Variants in UTP20 observed in about 807,000 individuals in gnomAD.
UTP20 encodes the protein UTP20 small subunit processome component.
A neutral mutation model predicts 329.5 loss-of-function variants in UTP20; 164 were observed. The ratio of observed to expected loss-of-function variants is 0.50; its 90% CI spans 0.44 to 0.57. UTP20 has a LOEUF of 0.57. Among genes scored for constraint, UTP20 ranks in the 20% least tolerant of loss-of-function variants. The probability of loss-of-function intolerance (pLI) is 0.00; values close to 1 mark genes in which losing one functional copy is unlikely to be tolerated. For synonymous variants in UTP20, 1,151 were observed against 1,159.3 expected, an observed-to-expected ratio of 0.99 and a Z score of 0.14; for missense variants, 3,055 against 3,284.2, an observed-to-expected ratio of 0.93 and a Z score of 1.71.
rs191285047 is a variant in UTP20 at position 101,385,561 on chromosome 12, A to G, written c.8057-22A>G. 2,375 of 1,601,976 alleles carry G rather than the reference A, an allele frequency of 1.5e-3. 3 individuals carry two copies. The highest frequency in any genetic ancestry group is 1.9e-3 in the Non-Finnish European group (2,257 of 1,177,036). ...TGTCCTTTCCTACCTGTCTCTGATC[A>G]TTACTCTTTGTGTGTGATTAGATCC... is the stretch of plus-strand genomic sequence containing the variant. On this transcript the variant is annotated intron_variant, in intron 60 of 61. Transcript: ENST00000261637.
Position 101,374,891 on chromosome 12 carries a change from T to C in UTP20, c.7215T>C (p.Thr2405=), listed in dbSNP as rs745786601. Residue 2405 remains threonine (T), a synonymous_variant, in exon 55 of 62, where the codon ACT becomes ACC. Transcript: ENST00000261637. The part of the protein sequence containing the change: ...EGVDFEKRLG[T]VLPVIEKEID... ...TTGATTTTGAGAAAAGACTTGGAAC[T>C]GTCCTTCCTGTGATTGAAAAGGAAA... 3 of 1,608,836 alleles carry C rather than the reference T, an allele frequency of 1.9e-6. No homozygotes were observed. The South Asian group carries it at 3.3e-5, about 18-fold the overall frequency.
intron 17 of UTP20, 132 bp from the exon 18 acceptor site, chr12:101,308,051 AGT>A: frequency 2.7e-6 from 2 of 750,952 alleles, no homozygotes; most frequent in Non-Finnish European, 3.7e-6. Context: ...CAAAAAAAAA[AGT>A]GTTACTTATT....
chr12:101,342,708 G>A (rs1471518263), intron 33 of UTP20, 79 bp from the exon 34 acceptor site: 2 of 1,536,560 alleles, frequency 1.3e-6, no homozygotes, highest in African/African-American at 2.8e-5. Flanking sequence ...ATTTGAATGG[G>A]GACAGGTAGC....
intron 12 of UTP20, among the ~76,000 whole-genome samples, chr12:101,296,495 CG>C (rs896499111): frequency 3.0e-4 from 45 of 150,020 alleles, no homozygotes; most frequent in African/African-American, 9.8e-4. Flanking sequence ...GGCGTGAACC[CG>C]GGAGGTGGAG....
intron 24 of UTP20, 115 bp from the exon 25 acceptor site, chr12:101,321,389 T>A: frequency 7.1e-7 from 1 of 1,414,712 alleles, no homozygotes; most frequent in Non-Finnish European, 9.5e-7. Flanking sequence ...ATATCAACCA[T>A]AATATGTACT....
Position 101,365,463 on chromosome 12 carries a change from T to TA in UTP20, c.5964dup (p.Gln1989ThrfsTer14). ...ACATTTATGTTTTGCCTTTAGATCT[T>TA]ACAAAATACCACGAGTTTGAAACTG... On this transcript the variant is annotated frameshift_variant, in exon 46 of 62. Coordinates refer to ENST00000261637, the MANE Select transcript of UTP20 (RefSeq NM_014503.3). LOFTEE classifies it high-confidence loss of function. The TA allele has an allele frequency of 6.2e-7, 1 of 1,602,668 alleles. No homozygotes were observed. Among genetic ancestry groups the TA allele is most frequent in the Non-Finnish European group, 8.5e-7 (1 of 1,176,744 alleles).
chr12:101,374,898 C>T lies in UTP20; in HGVS notation c.7222C>T (p.Pro2408Ser). 6.2e-7 allele frequency: 1 copy of T among 1,610,516 alleles called. No homozygotes were observed. The highest frequency in any genetic ancestry group is 8.5e-7 in the Non-Finnish European group (1 of 1,176,854). The change falls in exon 55 of 62, where the codon CCT becomes TCT. Residue 2408 changes from proline (P) to serine (S), a missense_variant. By Grantham distance (74) the Pro-to-Ser change is moderately conservative. Coordinates refer to ENST00000261637, the MANE Select transcript of UTP20 (RefSeq NM_014503.3). ...DFEKRLGTVL[P>S]VIEKEIDPEN... ...TGAGAAAAGACTTGGAACTGTCCTTCCTGTGATTGAAAAGGAAATTGATCC... is the reference window on the plus strand; with the variant it reads ...TGAGAAAAGACTTGGAACTGTCCTTTCTGTGATTGAAAAGGAAATTGATCC...
At chr12:101,294,267 C>A (rs11608415) in intron 11 of UTP20, among the ~76,000 whole-genome samples, 1 of 151,882 alleles carries the variant, frequency 6.6e-6, no homozygotes, top group Non-Finnish European at 1.5e-5. Flanking sequence ...GATCTCCTGA[C>A]CTTGTGATCT....
chr12:101,294,292 G>A (rs1480686690), intron 11 of UTP20, among the ~76,000 whole-genome samples: 1 of 151,762 alleles, frequency 6.6e-6, no homozygotes, highest in Non-Finnish European at 1.5e-5. Context: ...GCCTCGGCCA[G>A]CTATTTTTTT....
At chr12:101,380,609 TCC>T (rs1870612620) in intron 57 of UTP20, among the ~76,000 whole-genome samples, 1 of 151,928 alleles carries the variant, frequency 6.6e-6, no homozygotes, top group South Asian at 2.1e-4. Context: ...ATGCCTGTAA[TCC>T]CAACACATTG....
rs201788239 is a variant in UTP20 at position 101,357,090 on chromosome 12, G to A, written c.5691+8G>A. On this transcript the variant is annotated splice_region_variant and intron_variant, in intron 43 of 61. Coordinates refer to ENST00000261637, the MANE Select transcript of UTP20 (RefSeq NM_014503.3). Reference sequence around the variant, plus strand: ...CTTGTCCGTGGATACCAGGTAAATTGCATCTTGTGCTTTATATTCAAGTTG... The same window carrying A: ...CTTGTCCGTGGATACCAGGTAAATTACATCTTGTGCTTTATATTCAAGTTG... The A allele has an allele frequency of 5.6e-6, 9 of 1,599,786 alleles. No homozygotes were observed. The African/African-American group carries it at 8.1e-5, about 14-fold the overall frequency.
At chr12:101,365,300 A>ATGTT (rs1479514459) in intron 45 of UTP20, among the ~76,000 whole-genome samples, 159 bp from the exon 46 acceptor site, 2 of 152,152 alleles carry the variant, frequency 1.3e-5, no homozygotes, top group Admixed American at 6.6e-5. Flanking sequence ...TTCACCTTAT[A>ATGTT]TGTTATATCT....
In UTP20 at chr12:101,375,759, A is replaced by G. The variant is rs140121341; in HGVS notation, c.7396+3A>G. On this transcript the variant is annotated splice_donor_region_variant and intron_variant, in intron 56 of 61. Transcript: ENST00000261637. ...TGAGACTTTGAGTAAAATCTGGAGT[A>G]AGTATTTCCTTTTTTATTTAAATCA... The G allele has an allele frequency of 1.2e-4, 180 of 1,518,172 alleles. No individual in the cohort carries two copies. In the East Asian group the frequency reaches 3.2e-3, roughly 27 times the overall value. 94.0% of individuals were successfully genotyped at this position (1,518,172 alleles called of 1,614,324 possible).
At chr12:101,361,683 C>T (rs1240037132) in intron 43 of UTP20, among the ~76,000 whole-genome samples, 1 of 148,684 alleles carries the variant, frequency 6.7e-6, no homozygotes, top group South Asian at 2.2e-4. Flanking sequence ...AAATAAAGTT[C>T]AAGACTCTTG....
intron 25 of UTP20, chr12:101,326,831 C>T (rs183767483): frequency 2.3e-4 from 62 of 265,552 alleles, no homozygotes; most frequent in African/African-American, 1.3e-3. Context: ...TCAAGTGATC[C>T]TCTGGCCTCA....
chr12:101,352,861 T>G (rs1240121338), intron 39 of UTP20, among the ~76,000 whole-genome samples, 186 bp from the exon 40 acceptor site: 1 of 152,088 alleles, frequency 6.6e-6, no homozygotes, highest in Non-Finnish European at 1.5e-5. Flanking sequence ...ATTTTGTGAA[T>G]TAGTCTTTCT....
chr12:101,353,002 A>G, intron 39 of UTP20, 45 bp from the exon 40 acceptor site: 1 of 1,219,918 alleles, frequency 8.2e-7, no homozygotes, highest in Non-Finnish European at 1.1e-6. Flanking sequence ...ATCCAGTGAT[A>G]TTAATAATCA....
chr12:101,374,622 G>T (rs1000096848), intron 54 of UTP20, among the ~76,000 whole-genome samples, 186 bp from the exon 55 acceptor site: 4 of 152,140 alleles, frequency 2.6e-5, no homozygotes, highest in Admixed American at 2.0e-4. Context: ...ATTCTTGAGT[G>T]TAAAAATTTC....
chr12:101,307,324 CAT>C (rs1440902156), intron 17 of UTP20, among the ~76,000 whole-genome samples: 1 of 141,038 alleles, frequency 7.1e-6, no homozygotes, highest in Non-Finnish European at 1.5e-5. Flanking sequence ...CACACACACA[CAT>C]AATTTAAACA....
Sources: gnomAD v4.1 joint callset for allele counts (sites outside exome capture counted in the v4.1 genomes callset) on GRCh38, gnomAD v4.1.1 for gene constraint, MANE v1.5 for transcripts, NCBI Gene and HGNC (gene_info 2026-07-23, HGNC 2026-07-21) for gene names.